STK32B: variants seen among roughly 807,000 people sequenced by gnomAD.
STK32B encodes the protein serine/threonine-protein kinase 32B.
STK32B carries 43 observed loss-of-function variants against 52.6 expected under a neutral mutation model. The observed-to-expected ratio is 0.82, with a 90% CI of 0.64 to 1.05. STK32B has a LOEUF of 1.05. Among genes scored for constraint, STK32B ranks in the 50% least tolerant of loss-of-function variants. STK32B has a pLI of 0.00. For missense variants in STK32B, 621 were observed against 534.6 expected (o/e 1.16, Z -1.59); for synonymous variants, 238 against 204.3 (o/e 1.17, Z -1.41).
At chr4:5,406,437 T>G (rs1415042480) in intron 5 of STK32B, among the ~76,000 whole-genome samples, 1 of 152,170 alleles carries the variant, frequency 6.6e-6, no homozygotes, top group African/African-American at 2.4e-5. Context: ...GTGGGGACTT[T>G]CTGTGGGGGC....
Position 5,386,955 on chromosome 4 carries a change from G to T in STK32B, c.435-11252G>T, listed in dbSNP as rs551533576. On this transcript the variant is annotated intron_variant, in intron 4 of 11. Transcript: ENST00000282908. The surrounding 1 kb of genome is among the most constrained non-coding windows in gnomAD (Gnocchi z 4.5). ...AGAAATAGGAAGCTCTCGAAGAGTCGCAGCATCTCACAGGCCCAGCCACTT... is the reference window on the plus strand; with the variant it reads ...AGAAATAGGAAGCTCTCGAAGAGTCTCAGCATCTCACAGGCCCAGCCACTT... Among the ~76,000 whole-genome samples the T allele has an allele frequency of 6.6e-6, 1 of 152,190 alleles. No individual in the cohort carries two copies. Among genetic ancestry groups the T allele is most frequent in the African/African-American group, 2.4e-5 (1 of 41,456 alleles).
intron 3 of STK32B, among the ~76,000 whole-genome samples, chr4:5,322,361 G>T (rs368224982): frequency 5.3e-5 from 8 of 152,146 alleles, no homozygotes; most frequent in South Asian, 2.1e-4. Context: ...TTTAAGAATC[G>T]CTAGAGGTGA....
At chr4:5,377,705 G>A (rs115462645) in intron 4 of STK32B, among the ~76,000 whole-genome samples, 1 of 152,110 alleles carries the variant, frequency 6.6e-6, no homozygotes, top group Non-Finnish European at 1.5e-5. Context: ...AGTGAGTGAG[G>A]TCTCATGGGA....
intron 5 of STK32B, among the ~76,000 whole-genome samples, chr4:5,414,940 T>G (rs1473510923): frequency 6.6e-6 from 1 of 152,192 alleles, no homozygotes; most frequent in African/African-American, 2.4e-5. Context: ...AAAACCATAT[T>G]TGAAGGCTTC....
intron 11 of STK32B, among the ~76,000 whole-genome samples, chr4:5,493,921 T>C (rs1157502121): frequency 6.6e-6 from 1 of 152,276 alleles, no homozygotes; most frequent in Non-Finnish European, 1.5e-5. Flanking sequence ...AGTTCTAGTT[T>C]GATAGCACTG....
chr4:5,154,495 G>A (rs746013465), intron 2 of STK32B, among the ~76,000 whole-genome samples: 8 of 152,186 alleles, frequency 5.3e-5, no homozygotes, highest in Non-Finnish European at 8.8e-5. Flanking sequence ...GATTACAGGC[G>A]TGAACCACCG....
At chr4:5,115,550 T>G (rs370032119) in intron 1 of STK32B, among the ~76,000 whole-genome samples, 4 of 152,232 alleles carry the variant, frequency 2.6e-5, no homozygotes, top group South Asian at 4.2e-4. Flanking sequence ...TTAAAAGCCC[T>G]CAGCCAGATT....
chr4:5,234,068 T>A (rs1724455431), intron 3 of STK32B, among the ~76,000 whole-genome samples: 1 of 152,016 alleles, frequency 6.6e-6, no homozygotes, highest in Non-Finnish European at 1.5e-5. Flanking sequence ...CCTCATGTGA[T>A]CTGATGAGGT....
chr4:5,387,649 C>T (rs1736343979), intron 4 of STK32B, among the ~76,000 whole-genome samples: 1 of 152,166 alleles, frequency 6.6e-6, no homozygotes, highest in African/African-American at 2.4e-5. Context: ...AGCGACTCTG[C>T]CCCTAACATC....
chr4:5,234,073 T>C (rs1218040522), intron 3 of STK32B, among the ~76,000 whole-genome samples: 1 of 152,010 alleles, frequency 6.6e-6, no homozygotes, highest in Non-Finnish European at 1.5e-5. Flanking sequence ...TGTGATCTGA[T>C]GAGGTTTGTT....
intron 3 of STK32B, among the ~76,000 whole-genome samples, chr4:5,303,137 AAC>A (rs1729680127): frequency 6.7e-6 from 1 of 149,600 alleles, no homozygotes; most frequent in African/African-American, 2.5e-5. Context: ...CGCTGCCGTA[AAC>A]ATGTGTGTGC....
chr4:5,045,609 T>C, the STK32B span, among the ~76,000 whole-genome samples: 7 of 152,234 alleles, frequency 4.6e-5, no homozygotes, highest in Non-Finnish European at 1.0e-4. Flanking sequence ...TTTGTAGTTC[T>C]TCTTGAAGAG....
At chr4:5,192,358 T>C (rs961463726) in intron 3 of STK32B, among the ~76,000 whole-genome samples, 34 of 152,126 alleles carry the variant, frequency 2.2e-4, no homozygotes, top group Admixed American at 9.8e-4. Flanking sequence ...CTCAAGACTT[T>C]TCCACCCCAA....
rs548924544 is a variant in STK32B at position 5,105,842 on chromosome 4, T to C, written c.53-34063T>C. 5.6e-3 allele frequency among the ~76,000 whole-genome samples: 853 copies of C among 151,596 alleles called. 4 individuals are homozygous for C. Among genetic ancestry groups the C allele is most frequent in the African/African-American group, 0.017 (704 of 41,380 alleles). The stretch of plus-strand genomic sequence containing the variant: ...CCACCCAAAGTGCTGGGATTACAGG[T>C]GTGAGCCACCACGCCCGGCTGAACA... On this transcript the variant is annotated intron_variant, in intron 1 of 11. Transcript: ENST00000282908.
At chr4:5,122,397 TTCAC>T (rs1367599572) in intron 1 of STK32B, among the ~76,000 whole-genome samples, 163 of 151,550 alleles carry the variant, frequency 1.1e-3, no homozygotes, top group Middle Eastern at 3.4e-3. Flanking sequence ...CACTCATTCA[TTCAC>T]TCACTCACTC....
intron 6 of STK32B, among the ~76,000 whole-genome samples, chr4:5,444,230 C>G (rs1715126700): frequency 6.6e-6 from 1 of 152,244 alleles, no homozygotes; most frequent in Non-Finnish European, 1.5e-5. Context: ...TGATCTCAGA[C>G]TGCTGTGCTA....
At chr4:5,229,252 A>C (rs1421329046) in intron 3 of STK32B, among the ~76,000 whole-genome samples, 1 of 152,016 alleles carries the variant, frequency 6.6e-6, no homozygotes, top group East Asian at 1.9e-4. Context: ...CTCTGAAAAA[A>C]TTGGTCTCAA....
At chr4:5,055,256 A>G (rs1741955309) in intron 1 of STK32B, among the ~76,000 whole-genome samples, 1 of 122,372 alleles carries the variant, frequency 8.2e-6, no homozygotes, top group African/African-American at 2.8e-5. Context: ...TGCCTGGCTA[A>G]TTTTTAATTT....
chr4:5,397,392 G>A (rs1171981189), intron 4 of STK32B, among the ~76,000 whole-genome samples: 1 of 152,182 alleles, frequency 6.6e-6, no homozygotes, highest in Admixed American at 6.5e-5. Context: ...GCTGTGCTAG[G>A]TACAGGCATG....
Sources: allele counts gnomAD v4.1 joint callset (sites outside exome capture counted in the v4.1 genomes callset), GRCh38; gene constraint gnomAD v4.1.1; non-coding constraint Gnocchi (gnomAD v3.1); transcripts MANE v1.5; gene names NCBI Gene and HGNC (gene_info 2026-07-23, HGNC 2026-07-21).